The following MBOAT1 variants were observed in gnomAD, a reference collection of about 807,000 sequenced individuals.
MBOAT1 encodes membrane-bound glycerophospholipid O-acyltransferase 1.
A neutral mutation model predicts 64.4 loss-of-function variants in MBOAT1; 67 were observed. The ratio of observed to expected loss-of-function variants is 1.04; its 90% CI spans 0.85 to 1.27. The LOEUF (loss-of-function observed/expected upper bound fraction) is 1.27, where lower values mean the gene tolerates loss of function less well. MBOAT1 is among the 50% of genes most tolerant of loss of function. The pLI is 0.00. For missense variants in MBOAT1, 563 were observed against 604.6 expected (o/e 0.93, Z 0.72); for synonymous variants, 229 against 218.9 (o/e 1.05, Z -0.41).
chr6:20,180,156 G>A (rs1046040843), intron 1 of MBOAT1, among the ~76,000 whole-genome samples: 9 of 152,044 alleles, frequency 5.9e-5, no homozygotes, highest in South Asian at 2.1e-4. Flanking sequence ...ATTTGCTTCC[G>A]CCAGCCTACT....
intron 1 of MBOAT1, among the ~76,000 whole-genome samples, chr6:20,199,739 A>G (rs2113768293): frequency 6.6e-6 from 1 of 152,298 alleles, no homozygotes; most frequent in East Asian, 1.9e-4. Context: ...GGAGGCTGAA[A>G]TAGGCAGATC....
intron 1 of MBOAT1, among the ~76,000 whole-genome samples, chr6:20,206,449 C>T (rs147095274): frequency 0.012 from 1,856 of 152,332 alleles, 33 homozygotes; most frequent in African/African-American, 0.042. Context: ...GCTGGGATTA[C>T]AGGCGTGAGC....
intron 3 of MBOAT1, among the ~76,000 whole-genome samples, chr6:20,145,170 T>C (rs372317695): frequency 1.3e-5 from 2 of 152,252 alleles, no homozygotes; most frequent in East Asian, 3.9e-4. Flanking sequence ...GTGACTAGGT[T>C]ATGAGAGCAG....
At chr6:20,110,746 T>G (rs1760113807) in intron 11 of MBOAT1, among the ~76,000 whole-genome samples, 4 of 152,184 alleles carry the variant, frequency 2.6e-5, no homozygotes, top group Admixed American at 2.6e-4. Flanking sequence ...TTTCATTTAG[T>G]AATATATCAT....
chr6:20,178,752 G>A (rs1055840025), intron 1 of MBOAT1, among the ~76,000 whole-genome samples: 1 of 152,142 alleles, frequency 6.6e-6, no homozygotes, highest in African/African-American at 2.4e-5. Context: ...TTCTGGACCA[G>A]CCACCAACGA....
intron 1 of MBOAT1, among the ~76,000 whole-genome samples, chr6:20,161,215 C>T (rs892683551): frequency 2.0e-5 from 3 of 151,942 alleles, no homozygotes; most frequent in African/African-American, 2.4e-5. Flanking sequence ...TGTAGGCTGC[C>T]GCTCCTTATA....
intron 10 of MBOAT1, among the ~76,000 whole-genome samples, chr6:20,114,429 A>G (rs1198337092): frequency 2.0e-4 from 30 of 152,252 alleles, no homozygotes. Flanking sequence ...CAACAAAAAT[A>G]TAAATTTTAA....
At chr6:20,125,477 C>T (rs892483362) in intron 7 of MBOAT1, among the ~76,000 whole-genome samples, 3 of 152,208 alleles carry the variant, frequency 2.0e-5, no homozygotes, top group African/African-American at 4.8e-5. Context: ...TGAACTAAAA[C>T]GCAACCTCAC....
At chr6:20,179,694 T>A (rs1430204150) in intron 1 of MBOAT1, among the ~76,000 whole-genome samples, 8 of 152,176 alleles carry the variant, frequency 5.3e-5, no homozygotes, top group Admixed American at 2.6e-4. Context: ...GATTGCTGGG[T>A]CAAACGGTAT....
At chr6:20,144,142 A>G in intron 4 of MBOAT1, 78 bp downstream of exon 4, 1 of 880,204 alleles carries the variant, frequency 1.1e-6, no homozygotes, top group Admixed American at 2.2e-5. Context: ...TCTTTTGTGC[A>G]CCCTTGATGT....
At chr6:20,153,484 A>T (rs1761588203) in intron 1 of MBOAT1, among the ~76,000 whole-genome samples, 1 of 152,186 alleles carries the variant, frequency 6.6e-6, no homozygotes, top group South Asian at 2.1e-4. Flanking sequence ...GTACCTGGGA[A>T]ATCAAATTGT....
intron 11 of MBOAT1, 33 bp downstream of exon 11, chr6:20,112,843 A>AG: frequency 6.3e-7 from 1 of 1,598,436 alleles, no homozygotes; most frequent in South Asian, 1.1e-5. Context: ...CAGATTACTA[A>AG]GGGGAAAGAC....
At chr6:20,111,815 C>CATATATATACAT (rs1554115550) in intron 11 of MBOAT1, among the ~76,000 whole-genome samples, 9 of 106,020 alleles carry the variant, frequency 8.5e-5, no homozygotes, top group East Asian at 3.0e-4. Flanking sequence ...CATATATATA[C>CATATATATACAT]ATATATATAC....
At chr6:20,140,908 G>A (rs1581417732) in intron 4 of MBOAT1, among the ~76,000 whole-genome samples, 1 of 152,272 alleles carries the variant, frequency 6.6e-6, no homozygotes, top group East Asian at 1.9e-4. Context: ...AATGGATGAG[G>A]GAGGTATCTG....
intron 1 of MBOAT1, among the ~76,000 whole-genome samples, chr6:20,183,159 T>C (rs1216080645): frequency 6.6e-6 from 1 of 152,156 alleles, no homozygotes; most frequent in African/African-American, 2.4e-5. Flanking sequence ...CCTGGCAGGC[T>C]GCCCTGTCCT....
At position 20,176,915 on chromosome 6, in the gene MBOAT1, C is replaced by T. The variant is rs532196248; in HGVS notation, c.100-24146G>A. Among the ~76,000 whole-genome samples, 12 of 152,238 alleles carry T rather than the reference C, an allele frequency of 7.9e-5. No homozygotes were observed. In the South Asian group the frequency reaches 2.3e-3, roughly 29 times the overall value. On this transcript the variant is annotated intron_variant, in intron 1 of 12. Coordinates refer to ENST00000324607, the MANE Select transcript of MBOAT1 (RefSeq NM_001080480.3). ...CTGGGATTACAGGTGTGAGCCACTA[C>T]GTCCAGCCTACTATTCATTTTTATT...
intron 1 of MBOAT1, among the ~76,000 whole-genome samples, chr6:20,206,169 C>T (rs1763259734): frequency 6.6e-6 from 1 of 151,766 alleles, no homozygotes; most frequent in Admixed American, 6.6e-5. Context: ...CTGCTTTGCA[C>T]TGTTTTCTTT....
intron 10 of MBOAT1, among the ~76,000 whole-genome samples, chr6:20,113,841 T>TA (rs1388683042): frequency 6.7e-6 from 1 of 150,362 alleles, no homozygotes; most frequent in Non-Finnish European, 1.5e-5. Flanking sequence ...TAAATAATAA[T>TA]AAAAAAATAA....
intron 1 of MBOAT1, among the ~76,000 whole-genome samples, chr6:20,206,635 T>A (rs943959455): frequency 1.2e-4 from 18 of 152,198 alleles, no homozygotes; most frequent in African/African-American, 4.1e-4. Flanking sequence ...CTCTTCCTGC[T>A]TTCAGAATCT....
Sources: gnomAD v4.1 joint callset for allele counts (sites outside exome capture counted in the v4.1 genomes callset) on GRCh38, gnomAD v4.1.1 for gene constraint, MANE v1.5 for transcripts, NCBI Gene and HGNC (gene_info 2026-07-23, HGNC 2026-07-21) for gene names.